Variants in URGCP observed in about 807,000 individuals in gnomAD.
URGCP encodes the protein upregulator of cell proliferation, also known as up-regulator of cell proliferation.
Under a neutral mutation model 24.6 loss-of-function variants are expected in URGCP, and 13 were observed. The ratio of observed to expected loss-of-function variants is 0.53; its 90% CI spans 0.34 to 0.84. The LOEUF (loss-of-function observed/expected upper bound fraction) is 0.84. Ranked by LOEUF, URGCP falls within the 40% of genes least tolerant of loss-of-function variation. The pLI is 0.01. For missense variants in URGCP, 899 were observed against 1,194.3 expected (o/e 0.75, Z 3.64); for synonymous variants, 444 against 487.2 (o/e 0.91, Z 1.17).
chr7:43,877,898 T>C lies in URGCP; in HGVS notation c.1565A>G (p.Glu522Gly), dbSNP rs1287977110. The stretch of plus-strand genomic sequence containing the variant: ...CCGCCTCAGCTCAGCCCTGTGCTTC[T>C]CAGGGGGGTCCACGGCCCACTGGAG... ...CQLQWAVDPP[E>G]KHRAELRRRL... Residue 522 changes from glutamate (E) to glycine (G), a missense_variant, in exon 6 of 6, where the codon GAG (glutamate) becomes GGG (glycine). Coordinates refer to ENST00000453200, the MANE Select transcript of URGCP (RefSeq NM_001077663.3). 3 of 1,613,864 alleles carry C rather than the reference T, an allele frequency of 1.9e-6. No individual in the cohort carries two copies. The South Asian group carries it at 3.3e-5, about 18-fold the overall frequency.
chr7:43,883,362 A>ATTTTT (rs34217938), intron 3 of URGCP, among the ~76,000 whole-genome samples: 1,017 of 88,240 alleles, frequency 0.012, 20 homozygotes, highest in Non-Finnish European at 0.016. Flanking sequence ...ATATATATAT[A>ATTTTT]TTTTTTTTTT....
intron 1 of URGCP, among the ~76,000 whole-genome samples, chr7:43,911,709 T>C (rs1360919207): frequency 3.3e-5 from 5 of 151,926 alleles, no homozygotes; most frequent in African/African-American, 4.8e-5. Context: ...AATAAATAAA[T>C]AGGACCTAAC....
At chr7:43,906,316 C>A (rs1416728129) in intron 1 of URGCP, 1 of 184,302 alleles carries the variant, frequency 5.4e-6, no homozygotes, top group Non-Finnish European at 1.0e-5. Flanking sequence ...CGTACCCGGA[C>A]CCCCGCATCC....
intron 1 of URGCP, chr7:43,919,887 A>G: frequency 7.7e-7 from 1 of 1,303,518 alleles, no homozygotes; most frequent in Non-Finnish European, 1.1e-6. Context: ...CCAATATGAC[A>G]AGCTGCGGAA....
At chr7:43,896,093 T>TC (rs1172011431) in intron 1 of URGCP, among the ~76,000 whole-genome samples, 5 of 152,180 alleles carry the variant, frequency 3.3e-5, no homozygotes, top group African/African-American at 1.2e-4. Flanking sequence ...TTGCATGTTC[T>TC]CATTCACAGG....
chr7:43,899,653 T>G (rs974948328), intron 1 of URGCP, among the ~76,000 whole-genome samples: 1 of 152,138 alleles, frequency 6.6e-6, no homozygotes, highest in Admixed American at 6.5e-5. Flanking sequence ...ATCCCAGAAA[T>G]AGGTCCAAAT....
At chr7:43,882,130 T>C in intron 3 of URGCP, 173 bp from the exon 4 acceptor site, 1 of 1,116,396 alleles carries the variant, frequency 9.0e-7, no homozygotes, top group Non-Finnish European at 1.2e-6. Flanking sequence ...AGACCCTGTG[T>C]CTACAAAGAC....
chr7:43,916,205 C>T (rs2095915268), intron 1 of URGCP, among the ~76,000 whole-genome samples: 1 of 152,168 alleles, frequency 6.6e-6, no homozygotes, highest in African/African-American at 2.4e-5. Flanking sequence ...TTTGCTATTA[C>T]TTAGAACGGC....
chr7:43,892,175 C>A (rs1427120151), intron 1 of URGCP, among the ~76,000 whole-genome samples: 1 of 152,066 alleles, frequency 6.6e-6, no homozygotes, highest in African/African-American at 2.4e-5. Flanking sequence ...GCCTTGGCTT[C>A]CCAAAGTGTG....
Position 43,878,496 on chromosome 7 carries a change from C to T in URGCP, c.967G>A (p.Glu323Lys). Residue 323 changes from glutamate to lysine, a missense_variant, in exon 6 of 6, where the codon GAG (glutamate) becomes AAG (lysine). Glu to Lys is a moderately conservative substitution (Grantham distance 56). Transcript: ENST00000453200. The surrounding 1 kb of genome is among the most constrained non-coding windows in gnomAD (Gnocchi z 5.6). Reference sequence around the variant, plus strand: ...GGTTCTGGGAAAATGTCCAAGTCCTCCCTTCCGCTGGGAAAAAACCAGGAA... The same window carrying T: ...GGTTCTGGGAAAATGTCCAAGTCCTTCCTTCCGCTGGGAAAAAACCAGGAA... ...EISWFFPSGR[E>K]DLDIFPEPVA... is the part of the protein sequence containing the mutation. The T allele has an allele frequency of 6.2e-7, 1 of 1,614,212 alleles. No homozygotes were observed. The highest frequency in any genetic ancestry group is 8.5e-7 in the Non-Finnish European group (1 of 1,180,042).
intron 1 of URGCP, among the ~76,000 whole-genome samples, chr7:43,896,498 G>T (rs2095878719): frequency 6.6e-6 from 1 of 151,512 alleles, no homozygotes. Flanking sequence ...TTAGGTAGGA[G>T]AATGGGATCT....
chr7:43,923,224 T>C (rs10236905), intron 1 of URGCP, among the ~76,000 whole-genome samples: 107,021 of 151,020 alleles, frequency 0.71, 38,134 homozygotes, highest in African/African-American at 0.79. Flanking sequence ...CCTCATGATC[T>C]GCCCTCTTTG....
At chr7:43,916,638 G>A (rs1040823741) in intron 1 of URGCP, among the ~76,000 whole-genome samples, 41 of 151,678 alleles carry the variant, frequency 2.7e-4, no homozygotes, top group Non-Finnish European at 5.0e-4. Context: ...GAGGTCTAGG[G>A]AATGCAAAGG....
chr7:43,899,285 T>C (rs1292634796), intron 1 of URGCP, among the ~76,000 whole-genome samples: 1 of 118,808 alleles, frequency 8.4e-6, no homozygotes, highest in Non-Finnish European at 2.0e-5. Context: ...AAAGGCTTAA[T>C]TTTTTTTTTT....
chr7:43,878,165 G>A lies in URGCP; in HGVS notation c.1298C>T (p.Ala433Val), dbSNP rs1430003443. 1.2e-6 allele frequency: 2 copies of A among 1,614,222 alleles called. No individual in the cohort carries two copies. The highest frequency in any genetic ancestry group is 1.1e-5 in the South Asian group (1 of 91,084). The change falls in exon 6 of 6, where the codon GCC becomes GTC. Residue 433 changes from alanine (A) to valine (V), a missense_variant. Ala to Val is a moderately conservative substitution (Grantham distance 64, BLOSUM62 0). Transcript: ENST00000453200. The surrounding 1 kb of genome is among the most constrained non-coding windows in gnomAD (Gnocchi z 5.6). The stretch of plus-strand genomic sequence containing the variant: ...TGCCCGCAGCACATTCCCAACGATG[G>A]CCCGGATCCTCTTCACGAAGCTGTC... ...DSDSFVKRIR[A>V]IVGNVLRAPC...
At chr7:43,919,634 G>T (rs1235033354) in intron 1 of URGCP, 1 of 1,382,438 alleles carries the variant, frequency 7.2e-7, no homozygotes, top group Non-Finnish European at 1.0e-6. Flanking sequence ...GAGACCGCCA[G>T]ACCAACCACT....
intron 1 of URGCP, among the ~76,000 whole-genome samples, chr7:43,911,704 A>G (rs2095910352): frequency 6.6e-6 from 1 of 152,178 alleles, no homozygotes; most frequent in South Asian, 2.1e-4. Flanking sequence ...TCTCAAATAA[A>G]TAAATAGGAC....
intron 1 of URGCP, among the ~76,000 whole-genome samples, chr7:43,898,776 AATAAATAAATAAATTT>A (rs60751931): frequency 0.27 from 38,758 of 146,136 alleles, 6,339 homozygotes; most frequent in South Asian, 0.49. Flanking sequence ...TAAATAAATA[AATAAATAAATAAATTT>A]ATTTTAATTT....
upstream of URGCP, chr7:43,906,658 C>T (rs902602770): frequency 2.0e-5 from 22 of 1,102,910 alleles, no homozygotes; most frequent in African/African-American, 2.8e-4. Flanking sequence ...CCTGGCCCGC[C>T]GGCCGCCCGC....
Sources: allele counts gnomAD v4.1 joint callset (sites outside exome capture counted in the v4.1 genomes callset), GRCh38; gene constraint gnomAD v4.1.1; non-coding constraint Gnocchi (gnomAD v3.1); transcripts MANE v1.5; gene names NCBI Gene and HGNC (gene_info 2026-07-23, HGNC 2026-07-21).